Variants in CADPS observed in about 807,000 individuals in gnomAD.
CADPS encodes calcium-dependent secretion activator 1.
In CADPS, 57 loss-of-function variants were observed where a neutral mutation model predicts 167.3. The observed-to-expected ratio is 0.34, with a 90% CI of 0.28 to 0.42. The LOEUF is 0.42. Ranked by LOEUF, CADPS falls within the 20% of genes least tolerant of loss-of-function variation. The pLI is 1.00. For synonymous variants in CADPS, 676 were observed against 635.3 expected (o/e 1.06, Z -0.96); for missense variants, 1,414 against 1,738.1 (o/e 0.81, Z 3.32).
chr3:62,837,116 A>G (rs1055083091), intron 1 of CADPS, among the ~76,000 whole-genome samples: 2 of 152,228 alleles, frequency 1.3e-5, no homozygotes, highest in African/African-American at 4.8e-5. Flanking sequence ...GTTAATATTG[A>G]TAACTTCTAT....
intron 6 of CADPS, among the ~76,000 whole-genome samples, chr3:62,611,967 G>A (rs918912459): frequency 1.3e-5 from 2 of 152,176 alleles, no homozygotes; most frequent in African/African-American, 2.4e-5. Context: ...TAGAAGCCAA[G>A]CTCTGTGGAG....
At chr3:62,681,696 C>T (rs749323216) in intron 3 of CADPS, among the ~76,000 whole-genome samples, 5 of 152,078 alleles carry the variant, frequency 3.3e-5, no homozygotes, top group Non-Finnish European at 7.4e-5. Context: ...AAAACCTACA[C>T]TGGATTCCCA....
intron 26 of CADPS, among the ~76,000 whole-genome samples, chr3:62,459,987 A>G (rs2059138943): frequency 6.6e-6 from 1 of 152,234 alleles, no homozygotes; most frequent in African/African-American, 2.4e-5. Flanking sequence ...TTCCCTTAGA[A>G]GTAGTATCAG....
intron 3 of CADPS, among the ~76,000 whole-genome samples, chr3:62,695,444 C>T (rs995896426): frequency 4.6e-5 from 7 of 152,024 alleles, no homozygotes; most frequent in East Asian, 1.9e-4. Context: ...TGCATTAATA[C>T]GGCCAGGCTT....
chr3:62,651,515 C>T (rs2070148502), intron 4 of CADPS, among the ~76,000 whole-genome samples: 1 of 152,088 alleles, frequency 6.6e-6, no homozygotes. Flanking sequence ...GATTTTCTCA[C>T]ATGAATAATT....
At chr3:62,757,187 T>A (rs748662462) in intron 2 of CADPS, among the ~76,000 whole-genome samples, 5 of 152,214 alleles carry the variant, frequency 3.3e-5, no homozygotes, top group South Asian at 4.1e-4. Context: ...AAACATTCAA[T>A]CAACAATGAA....
intron 16 of CADPS, among the ~76,000 whole-genome samples, chr3:62,515,153 T>C (rs1473592768): frequency 1.3e-5 from 2 of 152,096 alleles, no homozygotes; most frequent in African/African-American, 4.8e-5. Context: ...TTCCCCCCAG[T>C]TGTCTTGAGG....
At chr3:62,734,714 T>C (rs1209367351) in intron 3 of CADPS, among the ~76,000 whole-genome samples, 2 of 152,098 alleles carry the variant, frequency 1.3e-5, no homozygotes, top group Non-Finnish European at 2.9e-5. Context: ...CTACTACTGA[T>C]AGATATTTAG....
intron 6 of CADPS, among the ~76,000 whole-genome samples, chr3:62,639,623 G>T (rs1470755905): frequency 6.6e-6 from 1 of 152,138 alleles, no homozygotes; most frequent in Non-Finnish European, 1.5e-5. Flanking sequence ...CCAATATATG[G>T]TTCCAAGTTT....
At chr3:62,867,465 C>G (rs1002152076) in intron 1 of CADPS, among the ~76,000 whole-genome samples, 7 of 152,010 alleles carry the variant, frequency 4.6e-5, no homozygotes, top group African/African-American at 1.2e-4. Context: ...TGAAGCCAGA[C>G]AAATGGGTCC....
At chr3:62,705,346 A>G (rs977486041) in intron 3 of CADPS, among the ~76,000 whole-genome samples, 3 of 152,138 alleles carry the variant, frequency 2.0e-5, no homozygotes, top group African/African-American at 7.2e-5. Context: ...CTCTTCCAGC[A>G]TCTTTCCTCA....
rs979266817 is a variant in CADPS, at chr3:62,440,504, C to T, written c.3670-2293G>A. 9 of 146,718 alleles carry T rather than the reference C, an allele frequency of 6.1e-5. No homozygotes were observed. In the East Asian group the frequency reaches 6.5e-4, roughly 11 times the overall value. The allele number at this position is 146,718 out of a possible 1,614,324, so 9.1% of individuals were successfully genotyped here. A position where few individuals can be genotyped will look rare whatever the true frequency, so the allele number is the denominator to read the frequency against. On this transcript the variant is annotated intron_variant, in intron 27 of 29. Coordinates refer to ENST00000383710, the MANE Select transcript of CADPS (RefSeq NM_003716.4). ...CATGAATTACTATGATTCCCCCCCC[C>T]CCCCATAATATTATACCATTCCACA...
chr3:62,687,757 C>A (rs948535881), intron 3 of CADPS, among the ~76,000 whole-genome samples: 11 of 72,316 alleles, frequency 1.5e-4, no homozygotes, highest in Middle Eastern at 8.8e-3. Flanking sequence ...TTTTTTGCTT[C>A]TATCTTAACG....
chr3:62,563,913 T>TAA (rs2079625738), intron 9 of CADPS, among the ~76,000 whole-genome samples: 2 of 152,308 alleles, frequency 1.3e-5, no homozygotes, highest in South Asian at 2.1e-4. Flanking sequence ...CATATATATA[T>TAA]AACATTCTGT....
chr3:62,459,992 T>G (rs929650941), intron 26 of CADPS, among the ~76,000 whole-genome samples: 1 of 152,254 alleles, frequency 6.6e-6, no homozygotes, highest in Non-Finnish European at 1.5e-5. Context: ...TTAGAAGTAG[T>G]ATCAGCTAGT....
At chr3:62,858,243 A>G (rs993986769) in intron 1 of CADPS, among the ~76,000 whole-genome samples, 1 of 152,210 alleles carries the variant, frequency 6.6e-6, no homozygotes, top group Admixed American at 6.5e-5. Flanking sequence ...TTATTTCCAT[A>G]GTTCAGCAAC....
At chr3:62,730,237 G>A (rs1376045412) in intron 3 of CADPS, among the ~76,000 whole-genome samples, 2 of 152,132 alleles carry the variant, frequency 1.3e-5, no homozygotes, top group Admixed American at 1.3e-4. Context: ...CCCAACTGGT[G>A]GTGATTTAGC....
At chr3:62,824,223 C>T (rs2073609661) in intron 1 of CADPS, among the ~76,000 whole-genome samples, 2 of 149,986 alleles carry the variant, frequency 1.3e-5, no homozygotes, top group Non-Finnish European at 1.5e-5. Context: ...TCTTCATAGA[C>T]ACATTTCAAA....
intron 3 of CADPS, among the ~76,000 whole-genome samples, chr3:62,752,907 A>G (rs1016487797): frequency 6.6e-6 from 1 of 152,266 alleles, no homozygotes; most frequent in African/African-American, 2.4e-5. Context: ...ATACAAGCCC[A>G]TTTTGGGGTG....
Sources: allele counts gnomAD v4.1 joint callset (sites outside exome capture counted in the v4.1 genomes callset), GRCh38; gene constraint gnomAD v4.1.1; transcripts MANE v1.5; gene names NCBI Gene and HGNC (gene_info 2026-07-23, HGNC 2026-07-21).